The following TNN variants were observed in gnomAD, a reference collection of about 807,000 sequenced individuals.
TNN encodes tenascin N.
A neutral mutation model predicts 134.4 loss-of-function variants in TNN; 122 were observed. The observed-to-expected ratio is 0.91, with a 90% CI of 0.78 to 1.06. TNN has a LOEUF of 1.06. Among genes scored for constraint, TNN ranks in the 50% least tolerant of loss-of-function variants. TNN has a pLI of 0.00. For synonymous variants in TNN, 710 were observed against 670.3 expected, an observed-to-expected ratio of 1.06 and a Z score of -0.91; for missense variants, 1,739 against 1,699.4, an observed-to-expected ratio of 1.02 and a Z score of -0.41.
Position 175,094,017 on chromosome 1 carries a change from C to A in TNN, c.1352C>A (p.Thr451Asn). The A allele has an allele frequency of 6.2e-7, 1 of 1,608,474 alleles. No homozygotes were observed. Among genetic ancestry groups the A allele is most frequent in the Non-Finnish European group, 8.5e-7 (1 of 1,175,514 alleles). Residue 451 changes from threonine (T) to asparagine (N), a missense_variant, in exon 7 of 19, where the codon ACT becomes AAT. Physicochemically the swap from Thr to Asn is moderately conservative, Grantham distance 65 (BLOSUM62 0). Coordinates refer to ENST00000239462, the MANE Select transcript of TNN (RefSeq NM_022093.2). ...TEIDSPTNVV[T>N]DRVTEDTATV... is the part of the protein sequence containing the mutation. ...ATTGACAGTCCAACCAATGTTGTCA[C>A]TGATCGAGTGACTGAAGACACAGCA...
intron 9 of TNN, among the ~76,000 whole-genome samples, chr1:175,101,093 G>T (rs1372275415): frequency 1.3e-5 from 2 of 152,162 alleles, no homozygotes; most frequent in Non-Finnish European, 2.9e-5. Context: ...GGAATTGGTG[G>T]GTTCTTGGTC....
At chr1:175,145,290 T>A (rs1244892130) in intron 18 of TNN, among the ~76,000 whole-genome samples, 8 of 152,068 alleles carry the variant, frequency 5.3e-5, no homozygotes, top group Admixed American at 5.2e-4. Flanking sequence ...TGGTGGTTCA[T>A]GCCTGTAATC....
chr1:175,080,854 A>G (rs1479698206), intron 4 of TNN, among the ~76,000 whole-genome samples: 1 of 152,248 alleles, frequency 6.6e-6, no homozygotes, highest in Non-Finnish European at 1.5e-5. Flanking sequence ...ATGAAATTTC[A>G]AAGTTTAACT....
chr1:175,146,814 G>C (rs1676080617), intron 18 of TNN, 117 bp from the exon 19 acceptor site: 2 of 1,015,404 alleles, frequency 2.0e-6, no homozygotes, highest in African/African-American at 1.6e-5. Context: ...CTCCTGAGCA[G>C]AGAGGGAGTG....
intron 7 of TNN, 102 bp from the exon 8 acceptor site, chr1:175,097,315 C>G: frequency 6.9e-7 from 1 of 1,444,284 alleles, no homozygotes; most frequent in Non-Finnish European, 9.5e-7. Context: ...ATATTAGAGA[C>G]TCTGACATTT....
At chr1:175,068,900 C>T (rs907456108) in intron 1 of TNN, among the ~76,000 whole-genome samples, 2 of 152,146 alleles carry the variant, frequency 1.3e-5, no homozygotes, top group African/African-American at 2.4e-5. Context: ...AAGAGCAAAA[C>T]TCCATCTAAA....
intron 7 of TNN, 41 bp from the exon 8 acceptor site, chr1:175,097,376 G>T: frequency 1.2e-6 from 2 of 1,610,226 alleles, no homozygotes; most frequent in South Asian, 1.1e-5. Flanking sequence ...GGAATTAGAG[G>T]GTGGTAAAGG....
In TNN at chr1:175,144,514, C is replaced by G. The variant is rs770828828; in HGVS notation, c.3723C>G (p.Asn1241Lys). 2.5e-6 allele frequency: 4 copies of G among 1,614,104 alleles called. No individual in the cohort carries two copies. ...GGTATAAGAACTGCCACTTGGCCAA[C>G]CCTAATGGCAGATATGGGGAGACCA... ...GWWYKNCHLA[N>K]PNGRYGETKH... is the part of the protein sequence containing the mutation. Residue 1241 changes from asparagine to lysine, a missense_variant, in exon 18 of 19, where the codon AAC becomes AAG. By Grantham distance (94) the Asn-to-Lys change is moderately conservative (BLOSUM62 0). Transcript: ENST00000239462.
chr1:175,080,368 C>T lies in TNN; in HGVS notation c.990C>T (p.Thr330=), dbSNP rs1170990058. 4 of 1,613,960 alleles carry T rather than the reference C, an allele frequency of 2.5e-6. No homozygotes were observed. The highest frequency in any genetic ancestry group is 3.4e-6 in the Non-Finnish European group (4 of 1,179,980). The change falls in exon 4 of 19, where the codon ACC becomes ACT. Residue 330 remains threonine, a synonymous_variant. Coordinates refer to ENST00000239462, the MANE Select transcript of TNN (RefSeq NM_022093.2). The part of the protein sequence containing the change: ...GLLPGTKYIV[T]LRNVKNEVSS... The stretch of plus-strand genomic sequence containing the variant: ...TGCCTGGAACCAAGTACATAGTCAC[C>T]CTGCGTAACGTCAAGAATGAAGTTT...
rs752182540 is a variant in TNN, at chr1:175,118,551, T to TA, written c.2387-10_2387-9insA. The TA allele has an allele frequency of 6.2e-7, 1 of 1,613,010 alleles. No individual in the cohort carries two copies. Among genetic ancestry groups the TA allele is most frequent in the Admixed American group, 1.7e-5 (1 of 59,648 alleles). On this transcript the variant is annotated splice_polypyrimidine_tract_variant and intron_variant, in intron 10 of 18. Coordinates refer to ENST00000239462, the MANE Select transcript of TNN (RefSeq NM_022093.2). ...TCATAGTGCATATTGGTCAGCATTT[T>TA]TTTTTTCAGACATTGACAGCCCCCA...
At chr1:175,123,708 G>A in intron 12 of TNN, 45 bp downstream of exon 12, 1 of 1,605,340 alleles carries the variant, frequency 6.2e-7, no homozygotes, top group Non-Finnish European at 8.5e-7. Context: ...CACTTATCAG[G>A]AGAGAACCTT....
chr1:175,089,052 T>C (rs1201680775), intron 6 of TNN, among the ~76,000 whole-genome samples: 1 of 152,234 alleles, frequency 6.6e-6, no homozygotes. Context: ...TAGAATATTT[T>C]ATTGGATTGC....
At chr1:175,136,315 AT>A (rs1180860891) in intron 16 of TNN, among the ~76,000 whole-genome samples, 5 of 152,132 alleles carry the variant, frequency 3.3e-5, no homozygotes, top group African/African-American at 4.8e-5. Flanking sequence ...ATTATGAGCA[AT>A]TTTTTCCCCC....
chr1:175,110,220 A>G (rs1244099273), intron 9 of TNN, among the ~76,000 whole-genome samples: 1 of 152,094 alleles, frequency 6.6e-6, no homozygotes, highest in African/African-American at 2.4e-5. Flanking sequence ...GATGATTGTT[A>G]TTATTATTTT....
In TNN at chr1:175,102,813, G is replaced by C. The variant is rs867907600; in HGVS notation, c.2119+4218G>C. The stretch of plus-strand genomic sequence containing the variant: ...CAAAGTGGGAGCCCAGGCAGAGGAG[G>C]TGCCAAGAGCAAGTGAGGGCTCTGA... On this transcript the variant is annotated intron_variant, in intron 9 of 18. Coordinates refer to ENST00000239462, the MANE Select transcript of TNN (RefSeq NM_022093.2). Among the ~76,000 whole-genome samples, 36 of 146,392 alleles carry C rather than the reference G, an allele frequency of 2.5e-4. 2 individuals carry two copies. The highest frequency in any genetic ancestry group is 8.4e-4 in the African/African-American group (34 of 40,632).
rs1464729934 is a variant in TNN at position 175,106,844 on chromosome 1, C to T, written c.2119+8249C>T. Among the ~76,000 whole-genome samples, 6 of 145,766 alleles carry T rather than the reference C, an allele frequency of 4.1e-5. No homozygotes were observed. The Admixed American group carries it at 4.1e-4, about 10-fold the overall frequency. On this transcript the variant is annotated intron_variant, in intron 9 of 18. Transcript: ENST00000239462. ...GTTCTAGGCAAACCAACGGTCCCAACTCCAAAGAGTTGGGGGTTGTTAGAG... is the reference window on the plus strand; with the variant it reads ...GTTCTAGGCAAACCAACGGTCCCAATTCCAAAGAGTTGGGGGTTGTTAGAG...
At chr1:175,108,481 G>A (rs562928641) in intron 9 of TNN, among the ~76,000 whole-genome samples, 2 of 152,364 alleles carry the variant, frequency 1.3e-5, no homozygotes, top group East Asian at 1.9e-4. Flanking sequence ...TTGGGTGGTC[G>A]ATGGGACTGG....
At chr1:175,102,843 T>G (rs1475028933) in intron 9 of TNN, among the ~76,000 whole-genome samples, 2 of 146,268 alleles carry the variant, frequency 1.4e-5, no homozygotes, top group Non-Finnish European at 3.0e-5. Context: ...CTCTGAGGAC[T>G]GCCAGCATGC....
chr1:175,069,432 C>T (rs982043524), intron 1 of TNN, among the ~76,000 whole-genome samples: 11 of 152,152 alleles, frequency 7.2e-5, no homozygotes, highest in Admixed American at 2.6e-4. Flanking sequence ...AGCTGACTCC[C>T]GAAGGAGGGA....
Sources: gnomAD v4.1 joint callset for allele counts (sites outside exome capture counted in the v4.1 genomes callset) on GRCh38, gnomAD v4.1.1 for gene constraint, MANE v1.5 for transcripts, NCBI Gene and HGNC (gene_info 2026-07-23, HGNC 2026-07-21) for gene names.